Variants in HS3ST4 observed in about 807,000 individuals in gnomAD.
The protein encoded by HS3ST4 is heparan sulfate-glucosamine 3-sulfotransferase 4.
Under a neutral mutation model 29.2 loss-of-function variants are expected in HS3ST4, and 17 were observed. The observed-to-expected ratio is 0.58, with a 90% CI of 0.40 to 0.87. HS3ST4 has a LOEUF of 0.87. HS3ST4 is among the 40% of genes least tolerant of loss of function. HS3ST4 has a pLI of 0.00. For synonymous variants in HS3ST4, 314 were observed against 285.7 expected, an observed-to-expected ratio of 1.10 and a Z score of -1.00; for missense variants, 627 against 634.5, an observed-to-expected ratio of 0.99 and a Z score of 0.13.
At chr16:25,773,615 A>G (rs1471949660) in intron 1 of HS3ST4, among the ~76,000 whole-genome samples, 1 of 152,234 alleles carries the variant, frequency 6.6e-6, no homozygotes, top group African/African-American at 2.4e-5. Context: ...GACAAACTGA[A>G]AACATCTTGA....
At chr16:25,777,455 G>T (rs962482103) in intron 1 of HS3ST4, among the ~76,000 whole-genome samples, 1 of 151,724 alleles carries the variant, frequency 6.6e-6, no homozygotes, top group Non-Finnish European at 1.5e-5. Flanking sequence ...GTGCACGTCC[G>T]TGTGTGTGTG....
At chr16:25,856,043 A>G (rs920354517) in intron 1 of HS3ST4, among the ~76,000 whole-genome samples, 7 of 151,972 alleles carry the variant, frequency 4.6e-5, no homozygotes, top group Admixed American at 3.3e-4. Flanking sequence ...TCCACCCTGG[A>G]TAGGTCTGTT....
intron 1 of HS3ST4, among the ~76,000 whole-genome samples, chr16:25,713,947 C>T (rs1176269710): frequency 2.0e-5 from 3 of 152,140 alleles, no homozygotes; most frequent in Non-Finnish European, 4.4e-5. Context: ...GCTAGGACTC[C>T]GTGGCATCCC....
intron 1 of HS3ST4, among the ~76,000 whole-genome samples, chr16:25,901,144 G>GT (rs1968116544): frequency 6.6e-6 from 1 of 152,054 alleles, no homozygotes; most frequent in Admixed American, 6.5e-5. Context: ...CTCCTCTGCA[G>GT]TTTCCTGGTG....
intron 1 of HS3ST4, among the ~76,000 whole-genome samples, chr16:25,845,647 G>GTAATAATAATAATAATAA (rs60639924): frequency 1.4e-5 from 2 of 143,330 alleles, no homozygotes; most frequent in African/African-American, 5.1e-5. Context: ...GGAATAGCAT[G>GTAATAATAATAATAATAA]TAATAATAAT....
chr16:26,029,435 C>T (rs1348880461), intron 1 of HS3ST4, among the ~76,000 whole-genome samples: 1 of 150,888 alleles, frequency 6.6e-6, no homozygotes, highest in Non-Finnish European at 1.5e-5. Flanking sequence ...TTTTTTGAGA[C>T]AAAGTCTCAC....
chr16:26,040,212 A>C (rs1247046054), intron 1 of HS3ST4, among the ~76,000 whole-genome samples: 1 of 151,878 alleles, frequency 6.6e-6, no homozygotes, highest in Non-Finnish European at 1.5e-5. Context: ...TATTTACTGG[A>C]AATTAGATTC....
At chr16:26,056,818 TTC>T (rs1384040694) in intron 1 of HS3ST4, among the ~76,000 whole-genome samples, 2 of 152,206 alleles carry the variant, frequency 1.3e-5, no homozygotes, top group Non-Finnish European at 2.9e-5. Flanking sequence ...CAGCTCAGCA[TTC>T]TCTGTTATGT....
intron 1 of HS3ST4, among the ~76,000 whole-genome samples, chr16:25,978,322 G>A (rs942558994): frequency 2.0e-5 from 3 of 152,212 alleles, no homozygotes; most frequent in African/African-American, 7.2e-5. Flanking sequence ...CTTACTTTCT[G>A]TAAAGGATCC....
At chr16:25,918,059 A>G (rs1968309892) in intron 1 of HS3ST4, among the ~76,000 whole-genome samples, 1 of 152,228 alleles carries the variant, frequency 6.6e-6, no homozygotes, top group African/African-American at 2.4e-5. Context: ...CAGGGAGCCA[A>G]CATCAACATT....
chr16:26,066,053 C>T (rs1398264793), intron 1 of HS3ST4, among the ~76,000 whole-genome samples: 4 of 152,160 alleles, frequency 2.6e-5, no homozygotes, highest in Non-Finnish European at 4.4e-5. Context: ...TACAGCTGCC[C>T]GTTGTATGAT....
intron 1 of HS3ST4, among the ~76,000 whole-genome samples, chr16:26,118,610 A>C (rs1428941961): frequency 6.6e-6 from 1 of 152,214 alleles, no homozygotes; most frequent in Non-Finnish European, 1.5e-5. Flanking sequence ...ATTTAAAATT[A>C]ATAGCTACTT....
intron 1 of HS3ST4, among the ~76,000 whole-genome samples, chr16:26,029,810 G>A (rs1969515940): frequency 6.6e-6 from 1 of 152,254 alleles, no homozygotes; most frequent in South Asian, 2.1e-4. Flanking sequence ...ATGAGGGACT[G>A]TTTCCTGGTC....
chr16:25,794,518 T>C (rs1277235784), intron 1 of HS3ST4, among the ~76,000 whole-genome samples: 1 of 152,108 alleles, frequency 6.6e-6, no homozygotes, highest in Non-Finnish European at 1.5e-5. Flanking sequence ...TTTAGACTGG[T>C]GATTATCTTT....
At chr16:25,787,200 C>A (rs1966858979) in intron 1 of HS3ST4, among the ~76,000 whole-genome samples, 2 of 152,172 alleles carry the variant, frequency 1.3e-5, no homozygotes, top group African/African-American at 4.8e-5. Context: ...TGTGCCTGAT[C>A]TCTGTTTGAA....
intron 1 of HS3ST4, among the ~76,000 whole-genome samples, chr16:25,929,272 C>T (rs530656156): frequency 2.6e-4 from 40 of 152,070 alleles, no homozygotes; most frequent in South Asian, 6.2e-4. Context: ...GTCCCAGCCA[C>T]TCAGGAGGCT....
chr16:25,718,326 C>T (rs1454979895), intron 1 of HS3ST4, among the ~76,000 whole-genome samples: 2 of 152,056 alleles, frequency 1.3e-5, no homozygotes, highest in Non-Finnish European at 2.9e-5. Flanking sequence ...CAGGCTTGCA[C>T]GATGAGATTC....
chr16:26,047,455 G>A (rs1403537128), intron 1 of HS3ST4, among the ~76,000 whole-genome samples: 1 of 152,164 alleles, frequency 6.6e-6, no homozygotes, highest in African/African-American at 2.4e-5. Flanking sequence ...GGTGGAAAGG[G>A]AAGCTAGTCA....
intron 1 of HS3ST4, among the ~76,000 whole-genome samples, chr16:25,851,342 C>T (rs1180647965): frequency 1.3e-5 from 2 of 152,180 alleles, no homozygotes. Context: ...TGTTTCCAGT[C>T]GTTCCCATCT....
Sources: gnomAD v4.1 joint callset for allele counts (sites outside exome capture counted in the v4.1 genomes callset) on GRCh38, gnomAD v4.1.1 for gene constraint, MANE v1.5 for transcripts, NCBI Gene and HGNC (gene_info 2026-07-23, HGNC 2026-07-21) for gene names.